Variants in CNTNAP2 observed in about 807,000 individuals in gnomAD.
CNTNAP2 encodes the protein contactin-associated protein-like 2.
CNTNAP2 carries 98 observed loss-of-function variants against 155.2 expected under a neutral mutation model. The ratio of observed to expected loss-of-function variants is 0.63; its 90% CI spans 0.54 to 0.75. The LOEUF is 0.75. Ranked by LOEUF, CNTNAP2 falls within the 30% of genes least tolerant of loss-of-function variation. CNTNAP2 has a pLI of 0.00. For missense variants in CNTNAP2, 1,727 were observed against 1,688.1 expected (o/e 1.02, Z -0.40); for synonymous variants, 651 against 631.2 (o/e 1.03, Z -0.47).
At chr7:146,717,335 T>C (rs1031822203) in intron 1 of CNTNAP2, among the ~76,000 whole-genome samples, 4 of 142,514 alleles carry the variant, frequency 2.8e-5, no homozygotes, top group Admixed American at 6.9e-5. Context: ...AAACTCTGTC[T>C]CTACTAAAAA....
chr7:146,193,851 A>G lies in CNTNAP2; in HGVS notation c.97+76878A>G, dbSNP rs1798741068. Among the ~76,000 whole-genome samples the G allele has an allele frequency of 2.0e-5, 3 of 151,978 alleles. 1 individual carries two copies. The highest frequency in any genetic ancestry group is 1.3e-4 in the Admixed American group (2 of 15,234). Reference sequence around the variant, plus strand: ...TTTTATGCTCTGCTTCCTCTTAATCACTTTGCCACCTTAGAAATTTCTTCC... The same window carrying G: ...TTTTATGCTCTGCTTCCTCTTAATCGCTTTGCCACCTTAGAAATTTCTTCC... On this transcript the variant is annotated intron_variant, in intron 1 of 23. Transcript: ENST00000361727.
chr7:147,978,032 T>C (rs761501951), intron 15 of CNTNAP2, 43 bp downstream of exon 15: 60 of 1,612,086 alleles, frequency 3.7e-5, no homozygotes, highest in Admixed American at 5.0e-5. Context: ...TCTTATCCCA[T>C]TTAAATATTG....
intron 8 of CNTNAP2, among the ~76,000 whole-genome samples, chr7:147,171,416 A>T (rs2116477123): frequency 6.6e-6 from 1 of 152,332 alleles, no homozygotes; most frequent in East Asian, 1.9e-4. Context: ...TGTTATGGAA[A>T]CATGAGGAGA....
At chr7:147,994,298 GA>G (rs766351127) in intron 15 of CNTNAP2, among the ~76,000 whole-genome samples, 1 of 150,494 alleles carries the variant, frequency 6.6e-6, no homozygotes, top group Non-Finnish European at 1.5e-5. Flanking sequence ...TGGAGCCCAG[GA>G]ATTCAAGACT....
intron 1 of CNTNAP2, among the ~76,000 whole-genome samples, chr7:146,664,640 A>T (rs1372657177): frequency 6.6e-6 from 1 of 152,134 alleles, no homozygotes; most frequent in African/African-American, 2.4e-5. Context: ...AAGGTTTTCT[A>T]TGTACTAATG....
rs114709679 is a variant in CNTNAP2 at position 146,646,015 on chromosome 7, C to T, written c.98-128256C>T. Among the ~76,000 whole-genome samples the T allele has an allele frequency of 5.6e-3, 855 of 152,212 alleles. 3 individuals are homozygous for T. Among genetic ancestry groups the T allele is most frequent in the African/African-American group, 0.018 (758 of 41,524 alleles). ...TCACATATGTCACTGTTACAGGTGA[C>T]GAATTACTATGTTAAAACTTCTAGT... On this transcript the variant is annotated intron_variant, in intron 1 of 23. Coordinates refer to ENST00000361727, the MANE Select transcript of CNTNAP2 (RefSeq NM_014141.6).
chr7:146,571,891 C>G (rs1002361036), intron 1 of CNTNAP2, among the ~76,000 whole-genome samples: 7 of 152,072 alleles, frequency 4.6e-5, no homozygotes, highest in Non-Finnish European at 2.9e-5. Flanking sequence ...GCCACCACAC[C>G]CAGCTAATTT....
At chr7:148,069,590 GTC>G (rs1803340477) in intron 15 of CNTNAP2, among the ~76,000 whole-genome samples, 1 of 151,878 alleles carries the variant, frequency 6.6e-6, no homozygotes, top group South Asian at 2.1e-4. Flanking sequence ...GTGAAACCCC[GTC>G]TCTACTAAAA....
intron 14 of CNTNAP2, among the ~76,000 whole-genome samples, chr7:147,930,746 C>T (rs1044976267): frequency 1.3e-5 from 2 of 152,176 alleles, no homozygotes; most frequent in African/African-American, 4.8e-5. Flanking sequence ...GAATTCACAT[C>T]CTTCTCAAAC....
chr7:148,242,394 T>A (rs569767319), intron 20 of CNTNAP2, among the ~76,000 whole-genome samples: 1 of 152,288 alleles, frequency 6.6e-6, no homozygotes, highest in East Asian at 1.9e-4. Context: ...AGTCCTGGGA[T>A]TGAGTCTGAA....
rs138854548 is a variant in CNTNAP2 at position 146,777,010 on chromosome 7, A to G, written c.208+2629A>G. Among the ~76,000 whole-genome samples the G allele has an allele frequency of 1.3e-3, 196 of 152,274 alleles. 5 individuals carry two copies. The East Asian group carries it at 0.033, about 25-fold the overall frequency. The stretch of plus-strand genomic sequence containing the variant: ...GATTGACAGGTAGGTAGGTAGGTAG[A>G]TAGAGAGAAATAGAATGCATTTCCA... On this transcript the variant is annotated intron_variant, in intron 2 of 23. Coordinates refer to ENST00000361727, the MANE Select transcript of CNTNAP2 (RefSeq NM_014141.6).
intron 10 of CNTNAP2, among the ~76,000 whole-genome samples, chr7:147,431,132 G>T (rs1372662223): frequency 6.6e-6 from 1 of 151,880 alleles, no homozygotes; most frequent in Non-Finnish European, 1.5e-5. Flanking sequence ...CATATGGTAT[G>T]ACTGGCTTGT....
In CNTNAP2 at chr7:147,051,113, G is replaced by A. The variant is rs1312679115; in HGVS notation, c.550+7059G>A. Among the ~76,000 whole-genome samples, 4 of 151,068 alleles carry A rather than the reference G, an allele frequency of 2.6e-5. No individual in the cohort carries two copies. In the East Asian group the frequency reaches 5.8e-4, roughly 22 times the overall value. ...AGACCCACTTTTGAAATAAGGCCAC[G>A]CTTTGAGGTTTTGGCTGGACATGGA... On this transcript the variant is annotated intron_variant, in intron 4 of 23. Transcript: ENST00000361727.
chr7:146,754,562 C>CTG (rs1801961813), intron 1 of CNTNAP2, among the ~76,000 whole-genome samples: 7 of 151,292 alleles, frequency 4.6e-5, no homozygotes, highest in Non-Finnish European at 1.0e-4. Flanking sequence ...CTGTCTCTCT[C>CTG]TCTCTCTCTC....
chr7:146,917,397 G>T (rs1796416018), intron 3 of CNTNAP2, among the ~76,000 whole-genome samples: 1 of 152,172 alleles, frequency 6.6e-6, no homozygotes, highest in Non-Finnish European at 1.5e-5. Context: ...AGTGCTGTCA[G>T]TGGAGTATTG....
At chr7:147,596,836 G>A (rs535742225) in intron 12 of CNTNAP2, among the ~76,000 whole-genome samples, 1 of 152,278 alleles carries the variant, frequency 6.6e-6, no homozygotes, top group Non-Finnish European at 1.5e-5. Context: ...ACAGGTTGCA[G>A]TAAAGAAGCT....
chr7:146,599,051 T>C (rs1286281007), intron 1 of CNTNAP2, among the ~76,000 whole-genome samples: 2 of 152,080 alleles, frequency 1.3e-5, no homozygotes, highest in Non-Finnish European at 2.9e-5. Context: ...CCTTCACTCC[T>C]TACTTTCCCT....
chr7:146,704,673 TA>T (rs1349430392), intron 1 of CNTNAP2, among the ~76,000 whole-genome samples: 4 of 152,150 alleles, frequency 2.6e-5, no homozygotes, highest in Admixed American at 6.5e-5. Context: ...GTTAACCAAA[TA>T]GTTTAGGAAA....
At chr7:147,855,358 A>G (rs759623748) in intron 13 of CNTNAP2, among the ~76,000 whole-genome samples, 4 of 152,164 alleles carry the variant, frequency 2.6e-5, no homozygotes, top group Non-Finnish European at 5.9e-5. Flanking sequence ...AGTTACTTAC[A>G]TTGCCAGGTG....
Sources: allele counts gnomAD v4.1 joint callset (sites outside exome capture counted in the v4.1 genomes callset), GRCh38; gene constraint gnomAD v4.1.1; transcripts MANE v1.5; gene names NCBI Gene and HGNC (gene_info 2026-07-23, HGNC 2026-07-21).